ARRDC1: variants seen among roughly 807,000 people sequenced by gnomAD.
ARRDC1 encodes arrestin domain-containing protein 1.
A neutral mutation model predicts 40.1 loss-of-function variants in ARRDC1; 37 were observed. The observed-to-expected ratio is 0.92, with a 90% CI of 0.71 to 1.21. The LOEUF (loss-of-function observed/expected upper bound fraction) is 1.21, where lower values mean the gene tolerates loss of function less well. ARRDC1 is among the 50% of genes most tolerant of loss of function. The pLI, the probability that ARRDC1 is intolerant of heterozygous loss-of-function variation, is 0.00. For synonymous variants in ARRDC1, 310 were observed against 262.5 expected, an observed-to-expected ratio of 1.18 and a Z score of -1.75; for missense variants, 641 against 581.9, an observed-to-expected ratio of 1.10 and a Z score of -1.04.
At chr9:137,608,919 C>T (rs1287454186) in intron 1 of ARRDC1, among the ~76,000 whole-genome samples, 1 of 152,188 alleles carries the variant, frequency 6.6e-6, no homozygotes, top group African/African-American at 2.4e-5. Context: ...CAAAACGGGG[C>T]CATCTGCATG....
At chr9:137,609,232 C>CATTTATTT (rs577449196) in intron 1 of ARRDC1, among the ~76,000 whole-genome samples, 3 of 151,962 alleles carry the variant, frequency 2.0e-5, no homozygotes, top group African/African-American at 7.3e-5. Flanking sequence ...TGTGTTGAGA[C>CATTTATTT]ATTTATTTAT....
At chr9:137,613,904 CCT>C in intron 4 of ARRDC1, 126 bp from the exon 5 acceptor site, 1 of 1,527,798 alleles carries the variant, frequency 6.5e-7, no homozygotes, top group Non-Finnish European at 8.9e-7. Context: ...GAGGCAGTGG[CCT>C]CTTTGCCCTG....
chr9:137,615,316 G>A lies in ARRDC1; in HGVS notation c.*178G>A. ...TGGGGTGGGGGTGGCAGGGAGCTGG[G>A]ACCTGGAGAGACAACTCCTGTAAAT... On this transcript the variant is annotated 3_prime_UTR_variant, in exon 8 of 8. Transcript: ENST00000371421. 1.6e-6 allele frequency: 1 copy of A among 608,140 alleles called. No homozygotes were observed. The highest frequency in any genetic ancestry group is 2.6e-5 in the South Asian group (1 of 38,546). 37.7% of individuals were successfully genotyped at this position (608,140 alleles called of 1,614,324 possible).
At chr9:137,606,888 G>A (rs1384381846) in intron 1 of ARRDC1, among the ~76,000 whole-genome samples, 1 of 152,236 alleles carries the variant, frequency 6.6e-6, no homozygotes, top group Non-Finnish European at 1.5e-5. Flanking sequence ...GCAGGACCCT[G>A]TCGTCCTTCC....
At chr9:137,609,683 C>A (rs1444784789) in intron 1 of ARRDC1, among the ~76,000 whole-genome samples, 7 of 152,230 alleles carry the variant, frequency 4.6e-5, no homozygotes, top group Admixed American at 3.3e-4. Flanking sequence ...CGCCACCACA[C>A]CCAGCTAATC....
At chr9:137,606,431 TCCCTGCCGGG>T (rs1842424976) in intron 1 of ARRDC1, among the ~76,000 whole-genome samples, 1 of 152,184 alleles carries the variant, frequency 6.6e-6, no homozygotes, top group Non-Finnish European at 1.5e-5. Flanking sequence ...GAGTGCCGCG[TCCCTGCCGGG>T]GACTTCTCTA....
In ARRDC1 at chr9:137,612,878, C is replaced by G; in HGVS notation, c.119-18C>G. On this transcript the variant is annotated intron_variant, in intron 1 of 7. Transcript: ENST00000371421. ...GGCCGTCGGCTGGCTGGGGCTCATG[C>G]AGCCATCCCCTTTGCAGCCATCCGG... is the stretch of plus-strand genomic sequence containing the variant. 1 of 1,599,810 alleles carries G rather than the reference C, an allele frequency of 6.3e-7. No individual in the cohort carries two copies. Among genetic ancestry groups the G allele is most frequent in the Non-Finnish European group, 8.6e-7 (1 of 1,168,560 alleles).
Position 137,615,264 on chromosome 9 carries a change from T to A in ARRDC1, c.*126T>A. On this transcript the variant is annotated 3_prime_UTR_variant, in exon 8 of 8. Transcript: ENST00000371421. ...CCTGCCCAGCCTCTGCCAGCTCCTC[T>A]GGCATCCGCCCTCTTCTCCCTGGGG... The A allele has an allele frequency of 1.1e-6, 1 of 908,166 alleles. No individual in the cohort carries two copies. The highest frequency in any genetic ancestry group is 1.6e-6 in the Non-Finnish European group (1 of 639,736). The allele number at this position is 908,166 out of a possible 1,614,324, so 56.3% of individuals were successfully genotyped here. A position where few individuals can be genotyped will look rare whatever the true frequency, so the allele number is the denominator to read the frequency against.
chr9:137,610,805 T>C (rs1443076620), intron 1 of ARRDC1, among the ~76,000 whole-genome samples: 1 of 152,080 alleles, frequency 6.6e-6, no homozygotes, highest in Non-Finnish European at 1.5e-5. Flanking sequence ...TCAGGTGATC[T>C]GCCTGCCTTG....
intron 3 of ARRDC1, 50 bp downstream of exon 3, chr9:137,613,560 G>T (rs1232021440): frequency 6.2e-7 from 1 of 1,613,954 alleles, no homozygotes; most frequent in African/African-American, 1.3e-5. Flanking sequence ...GGTCCTGGGA[G>T]GTGGGCTCTG....
At chr9:137,612,648 G>C (rs934116031) in intron 1 of ARRDC1, 1 of 452,958 alleles carries the variant, frequency 2.2e-6, no homozygotes, top group African/African-American at 2.0e-5. Flanking sequence ...GGGTCTTTCT[G>C]CTCTGGATTG....
chr9:137,612,971 G>A lies in ARRDC1; in HGVS notation c.194G>A (p.Gly65Asp), dbSNP rs775431066. Residue 65 changes from glycine to aspartate, a missense_variant, in exon 2 of 8, where the codon GGT becomes GAT. Transcript: ENST00000371421. ...GACACAGCGTGGGTAGTGGAGGAGG[G>A]TTACTTCAACAGTTCCCTGTCGCTG... is the stretch of plus-strand genomic sequence containing the variant. ...ANDTAWVVEE[G>D]YFNSSLSLAD... 3 of 1,614,210 alleles carry A rather than the reference G, an allele frequency of 1.9e-6. No homozygotes were observed. Among genetic ancestry groups the A allele is most frequent in the South Asian group, 1.1e-5 (1 of 91,080 alleles).
At chr9:137,614,242 C>T (rs756965914) in intron 5 of ARRDC1, 28 bp downstream of exon 5, 74 of 1,578,466 alleles carry the variant, frequency 4.7e-5, no homozygotes, top group Non-Finnish European at 6.0e-5. Flanking sequence ...TTGCCTGGAC[C>T]GGCCTCCTGG....
At chr9:137,613,815 G>A (rs781163370) in intron 4 of ARRDC1, 46 bp downstream of exon 4, 2 of 1,606,056 alleles carry the variant, frequency 1.2e-6, no homozygotes, top group Non-Finnish European at 1.7e-6. Context: ...CACCCTCATG[G>A]AGGCTGGGGA....
Position 137,615,348 on chromosome 9 carries a change from C to CT in ARRDC1, c.*213dup, listed in dbSNP as rs1349740262. ...AGAGACAACTCCTGTAAATAAAACA[C>CT]TTTATTTGTAGAGCTGGGCCTCACC... On this transcript the variant is annotated 3_prime_UTR_variant, in exon 8 of 8. Coordinates refer to ENST00000371421, the MANE Select transcript of ARRDC1 (RefSeq NM_152285.4). 5.4e-6 allele frequency: 3 copies of CT among 559,044 alleles called. No individual in the cohort carries two copies. The highest frequency in any genetic ancestry group is 9.0e-6 in the Non-Finnish European group (3 of 331,710). 34.6% of individuals were successfully genotyped at this position (559,044 alleles called of 1,614,324 possible).
chr9:137,606,147 C>G, intron 1 of ARRDC1, among the ~76,000 whole-genome samples: 1 of 151,970 alleles, frequency 6.6e-6, no homozygotes, highest in Middle Eastern at 3.4e-3. Flanking sequence ...CTCGCACCTG[C>G]TGGGCTCCTT....
At chr9:137,610,713 G>A (rs985845587) in intron 1 of ARRDC1, among the ~76,000 whole-genome samples, 29 of 152,366 alleles carry the variant, frequency 1.9e-4, no homozygotes, top group Admixed American at 2.6e-4. Flanking sequence ...ACAGGCATGT[G>A]CCACCATGCC....
In ARRDC1 at chr9:137,615,127, C is replaced by T. The variant is rs772342951; in HGVS notation, c.1291C>T (p.Pro431Ser). Residue 431 changes from proline to serine, a missense_variant, in exon 8 of 8, where the codon CCT becomes TCT. Physicochemically the swap from Pro to Ser is moderately conservative, Grantham distance 74. Transcript: ENST00000371421. ...CGGCGGCGTGGAACCCAGCCTGACCCCTGAGAGCTGACCCCGTGCTGCCTT... is the reference window on the plus strand; with the variant it reads ...CGGCGGCGTGGAACCCAGCCTGACCTCTGAGAGCTGACCCCGTGCTGCCTT... Reference protein sequence around the residue: ...SCGGVEPSLTPES With the variant: ...SCGGVEPSLTSES 25 of 1,542,048 alleles carry T rather than the reference C, an allele frequency of 1.6e-5. No individual in the cohort carries two copies. Among genetic ancestry groups the T allele is most frequent in the South Asian group, 2.5e-5 (2 of 80,080 alleles).
chr9:137,607,478 A>G (rs1271791778), intron 1 of ARRDC1, among the ~76,000 whole-genome samples: 1 of 152,100 alleles, frequency 6.6e-6, no homozygotes, highest in African/African-American at 2.4e-5. Flanking sequence ...CCTGGGAGGG[A>G]GCAGTTTTCT....
Sources: gnomAD v4.1 joint callset for allele counts (sites outside exome capture counted in the v4.1 genomes callset) on GRCh38, gnomAD v4.1.1 for gene constraint, MANE v1.5 for transcripts, NCBI Gene and HGNC (gene_info 2026-07-23, HGNC 2026-07-21) for gene names.